ZFHX4: variants seen among roughly 807,000 people sequenced by gnomAD.
ZFHX4 encodes zinc finger homeobox protein 4.
In ZFHX4, 56 loss-of-function variants were observed where a neutral mutation model predicts 267.6. The ratio of observed to expected loss-of-function variants is 0.21; its 90% CI spans 0.17 to 0.26. The LOEUF (loss-of-function observed/expected upper bound fraction) is 0.26, where lower values mean the gene tolerates loss of function less well. Ranked by LOEUF, ZFHX4 falls within the 10% of genes least tolerant of loss-of-function variation. The probability of loss-of-function intolerance (pLI) is 1.00; values close to 1 mark genes in which losing one functional copy is unlikely to be tolerated. For synonymous variants in ZFHX4, 1,778 were observed against 1,665.6 expected (o/e 1.07, Z -1.64); for missense variants, 4,332 against 4,420.0 (o/e 0.98, Z 0.56).
chr8:76,864,231 A>C lies in ZFHX4; in HGVS notation c.10517A>C (p.Gln3506Pro), dbSNP rs372791764. Residue 3506 changes from glutamine (Q) to proline (P), a missense_variant, in exon 11 of 11, where the codon CAG becomes CCG. Gln to Pro is a moderately conservative substitution (Grantham distance 76). Transcript: ENST00000651372. ...AATCCTAACACCACATCTACCTCGC[A>C]GTCTGCAGCTTCTTCTAATAACACC... Reference protein sequence around the residue: ...SPNPNTTSTSQSAASSNNTYP... With the variant: ...SPNPNTTSTSPSAASSNNTYP... 350 of 1,613,922 alleles carry C rather than the reference A, an allele frequency of 2.2e-4. No individual in the cohort carries two copies. Among genetic ancestry groups the C allele is most frequent in the Non-Finnish European group, 2.8e-4 (325 of 1,179,842 alleles).
intron 1 of ZFHX4, 29 bp from the exon 2 acceptor site, chr8:76,704,014 T>C: frequency 7.3e-7 from 1 of 1,378,400 alleles, no homozygotes; most frequent in Non-Finnish European, 9.8e-7. Flanking sequence ...TTAATAAAAA[T>C]GGCTTCTCTC....
At chr8:76,684,305 T>G (rs1217376580) in intron 1 of ZFHX4, among the ~76,000 whole-genome samples, 1 of 152,110 alleles carries the variant, frequency 6.6e-6, no homozygotes, top group Non-Finnish European at 1.5e-5. Context: ...GTTTGTGGTT[T>G]CAGTCAGCAG....
At chr8:76,722,515 G>T (rs879422896) in intron 3 of ZFHX4, among the ~76,000 whole-genome samples, 1 of 151,836 alleles carries the variant, frequency 6.6e-6, no homozygotes, top group Non-Finnish European at 1.5e-5. Flanking sequence ...ACAAATACCT[G>T]CCTATATCTT....
chr8:76,855,212 C>T lies in ZFHX4; in HGVS notation c.8291C>T (p.Pro2764Leu), dbSNP rs755319742. The T allele has an allele frequency of 9.3e-6, 15 of 1,612,474 alleles. No individual in the cohort carries two copies. The highest frequency in any genetic ancestry group is 5.5e-5 in the South Asian group (5 of 90,826). ...TPVSKTAELS[P>L]KNLLSPSSFK... is the part of the protein sequence containing the mutation. Reference sequence around the variant, plus strand: ...GTTAGTAAAACAGCAGAGCTGTCACCGAAGAATCTTTTAAGCCCTTCTTCT... The same window carrying T: ...GTTAGTAAAACAGCAGAGCTGTCACTGAAGAATCTTTTAAGCCCTTCTTCT... Residue 2764 changes from proline to leucine, a missense_variant, in exon 10 of 11, where the codon CCG becomes CTG. Around this residue, in one of 7 missense-constraint regions of ZFHX4, gnomAD observed 1,648 missense variants for 1,625.0 expected, o/e 1.01. Transcript: ENST00000651372.
At chr8:76,822,285 T>C (rs1343992784) in intron 4 of ZFHX4, among the ~76,000 whole-genome samples, 1 of 152,084 alleles carries the variant, frequency 6.6e-6, no homozygotes, top group Non-Finnish European at 1.5e-5. Context: ...TCAAAATATA[T>C]ACCAGTTTCT....
At chr8:76,839,947 C>T (rs1812191530) in intron 5 of ZFHX4, among the ~76,000 whole-genome samples, 1 of 152,094 alleles carries the variant, frequency 6.6e-6, no homozygotes, top group Admixed American at 6.6e-5. Flanking sequence ...CAATGAATGT[C>T]AAATTTATTT....
chr8:76,711,208 A>G (rs1808414617), intron 3 of ZFHX4, among the ~76,000 whole-genome samples: 1 of 152,058 alleles, frequency 6.6e-6, no homozygotes, highest in Admixed American at 6.5e-5. Context: ...TTTCCATAGA[A>G]TTTTTTTAAA....
Position 76,854,544 on chromosome 8 carries a change from C to A in ZFHX4, c.7623C>A (p.Asp2541Glu), listed in dbSNP as rs376940610. 2 of 1,613,796 alleles carry A rather than the reference C, an allele frequency of 1.2e-6. No individual in the cohort carries two copies. Residue 2541 changes from aspartate (D) to glutamate (E), a missense_variant, in exon 10 of 11, where the codon GAC (aspartate) becomes GAA (glutamate). Physicochemically the swap from Asp to Glu is conservative, Grantham distance 45. Transcript: ENST00000651372. ...TGGACATGCCCTACATGATATTTGA[C>A]CCCAACAATCCGCTGATGACTGGAC... ...RPMDMPYMIF[D>E]PNNPLMTGQL...
intron 3 of ZFHX4, among the ~76,000 whole-genome samples, chr8:76,733,105 A>T (rs1809065789): frequency 6.6e-6 from 1 of 152,136 alleles, no homozygotes; most frequent in Non-Finnish European, 1.5e-5. Flanking sequence ...TGCAGAAAGG[A>T]ATCTGGATTT....
At chr8:76,800,989 C>A (rs886978861) in intron 4 of ZFHX4, among the ~76,000 whole-genome samples, 2 of 152,122 alleles carry the variant, frequency 1.3e-5, no homozygotes, top group Non-Finnish European at 2.9e-5. Flanking sequence ...GGCCAACCAG[C>A]AATTGTCATT....
At chr8:76,754,215 C>T (rs1310708169) in intron 3 of ZFHX4, among the ~76,000 whole-genome samples, 1 of 152,084 alleles carries the variant, frequency 6.6e-6, no homozygotes, top group Non-Finnish European at 1.5e-5. Context: ...AGGCCAGGTG[C>T]AGTGGCTCAT....
intron 3 of ZFHX4, among the ~76,000 whole-genome samples, chr8:76,741,169 C>A (rs1308094470): frequency 6.6e-6 from 1 of 152,064 alleles, no homozygotes; most frequent in South Asian, 2.1e-4. Context: ...GCAGCAAATG[C>A]TATACAGAGG....
At chr8:76,775,345 G>A (rs1810374720) in intron 3 of ZFHX4, among the ~76,000 whole-genome samples, 1 of 152,202 alleles carries the variant, frequency 6.6e-6, no homozygotes, top group Admixed American at 6.6e-5. Context: ...GAAAGGGAAT[G>A]AGAGGATAGA....
chr8:76,702,262 C>G (rs989198363), intron 1 of ZFHX4, among the ~76,000 whole-genome samples: 1 of 152,046 alleles, frequency 6.6e-6, no homozygotes. Context: ...GATACCAAAA[C>G]GAATTTTGAA....
At position 76,863,343 on chromosome 8, in the gene ZFHX4, C is replaced by T. The variant is rs1387086125; in HGVS notation, c.9629C>T (p.Thr3210Ile). ...KKIKEEELEA[T>I]KPEKHPKKEE... ...ATCAAAGAGGAGGAATTAGAGGCCA[C>T]CAAACCCGAAAAACACCCCAAAAAA... Residue 3210 changes from threonine to isoleucine, a missense_variant, in exon 11 of 11, where the codon ACC becomes ATC. By Grantham distance (89) the Thr-to-Ile change is moderately conservative (BLOSUM62 -1). Transcript: ENST00000651372. 1.2e-6 allele frequency: 2 copies of T among 1,613,672 alleles called. No homozygotes were observed. The highest frequency in any genetic ancestry group is 1.1e-5 in the South Asian group (1 of 91,066).
intron 1 of ZFHX4, chr8:76,703,569 C>T (rs1043360649): frequency 6.6e-5 from 10 of 152,454 alleles, no homozygotes; most frequent in Non-Finnish European, 1.0e-4. Flanking sequence ...ATTTGTTGGT[C>T]TCCCTCCCAC....
chr8:76,855,093 A>G lies in ZFHX4; in HGVS notation c.8172A>G (p.Pro2724=). 6.2e-7 allele frequency: 1 copy of G among 1,613,914 alleles called. No homozygotes were observed. The highest frequency in any genetic ancestry group is 8.5e-7 in the Non-Finnish European group (1 of 1,179,844). ...LISTEDGGES[P]QKYIYFDYPS... is the part of the protein sequence containing the mutation. ...CCACCGAAGATGGGGGAGAAAGCCC[A>G]CAGAAATACATCTATTTTGATTACC... Residue 2724 remains proline, a synonymous_variant, in exon 10 of 11, where the codon CCA becomes CCG. Coordinates refer to ENST00000651372, the MANE Select transcript of ZFHX4 (RefSeq NM_024721.5).
intron 3 of ZFHX4, among the ~76,000 whole-genome samples, chr8:76,742,290 T>C (rs1317589630): frequency 2.6e-5 from 4 of 152,194 alleles, no homozygotes; most frequent in Non-Finnish European, 5.9e-5. Context: ...ACTGCACTTC[T>C]ATTTTTTCTT....
intron 4 of ZFHX4, among the ~76,000 whole-genome samples, chr8:76,786,985 G>A (rs977295572): frequency 6.6e-6 from 1 of 152,032 alleles, no homozygotes; most frequent in African/African-American, 2.4e-5. Context: ...GCCATAGGGG[G>A]GTAGTCAAAT....
Sources: allele counts gnomAD v4.1 joint callset (sites outside exome capture counted in the v4.1 genomes callset), GRCh38; gene constraint gnomAD v4.1.1; regional missense constraint gnomAD v4.1.1; transcripts MANE v1.5; gene names NCBI Gene and HGNC (gene_info 2026-07-23, HGNC 2026-07-21).